The following BRAF variants were observed in gnomAD, a reference collection of about 807,000 sequenced individuals.
BRAF encodes the protein serine/threonine-protein kinase B-raf.
Under a neutral mutation model 104.6 loss-of-function variants are expected in BRAF, and 16 were observed. That is an observed-to-expected ratio of 0.15 (90% confidence interval 0.10 to 0.23). BRAF has a LOEUF of 0.23. Ranked by LOEUF, BRAF falls within the 10% of genes least tolerant of loss-of-function variation. BRAF has a pLI of 1.00. For missense variants in BRAF, 541 were observed against 937.3 expected, an observed-to-expected ratio of 0.58 and a Z score of 5.52; for synonymous variants, 310 against 341.6, an observed-to-expected ratio of 0.91 and a Z score of 1.02.
intron 5 of BRAF, among the ~76,000 whole-genome samples, chr7:140,807,397 G>T (rs1332345682): frequency 1.3e-5 from 2 of 151,772 alleles, no homozygotes; most frequent in African/African-American, 2.4e-5. Context: ...CTATTCTTAC[G>T]AATTATTACA....
At chr7:140,760,512 TGGACA>T in intron 14 of BRAF, among the ~76,000 whole-genome samples, 1 of 152,012 alleles carries the variant, frequency 6.6e-6, no homozygotes, top group East Asian at 1.9e-4. Flanking sequence ...GGAGAGCAAC[TGGACA>T]GTGAATACCA....
At chr7:140,912,546 G>T (rs763813627) in intron 1 of BRAF, among the ~76,000 whole-genome samples, 5 of 151,798 alleles carry the variant, frequency 3.3e-5, no homozygotes, top group African/African-American at 4.8e-5. Context: ...ATCATCATAC[G>T]CTCTTCTTTT....
chr7:140,821,744 C>A, intron 3 of BRAF, among the ~76,000 whole-genome samples: 1 of 151,884 alleles, frequency 6.6e-6, no homozygotes, highest in East Asian at 1.9e-4. Context: ...ATATATACAT[C>A]CAAAAGAAAA....
chr7:140,918,629 A>G (rs1029089506), intron 1 of BRAF, among the ~76,000 whole-genome samples: 1 of 152,198 alleles, frequency 6.6e-6, no homozygotes, highest in East Asian at 1.9e-4. Flanking sequence ...TGTTGCAGCC[A>G]ATTTGGCTGT....
intron 1 of BRAF, among the ~76,000 whole-genome samples, chr7:140,886,161 A>G (rs1259636194): frequency 6.6e-6 from 1 of 152,208 alleles, no homozygotes; most frequent in East Asian, 1.9e-4. Flanking sequence ...CTTCCTTCAC[A>G]GGGTAATGGT....
At chr7:140,921,730 A>G (rs1366427104) in intron 1 of BRAF, among the ~76,000 whole-genome samples, 2 of 151,980 alleles carry the variant, frequency 1.3e-5, no homozygotes, top group Non-Finnish European at 2.9e-5. Flanking sequence ...CTAATTTTTG[A>G]TAATGACTTG....
At chr7:140,812,112 C>G (rs959146720) in intron 3 of BRAF, among the ~76,000 whole-genome samples, 2 of 149,414 alleles carry the variant, frequency 1.3e-5, no homozygotes, top group Non-Finnish European at 3.0e-5. Flanking sequence ...TAATTTTTTA[C>G]TTTTAAGAAG....
At chr7:140,851,044 T>A (rs1425489803) in intron 1 of BRAF, among the ~76,000 whole-genome samples, 1 of 152,084 alleles carries the variant, frequency 6.6e-6, no homozygotes, top group Non-Finnish European at 1.5e-5. Context: ...GGGGAAAAAT[T>A]AAGAGCAGGA....
intron 3 of BRAF, chr7:140,834,211 T>A: frequency 3.7e-6 from 1 of 269,978 alleles, no homozygotes; most frequent in South Asian, 6.8e-5. Flanking sequence ...AGGGGAAACA[T>A]ATCAATCACA....
At chr7:140,750,775 G>C (rs182898909) in intron 16 of BRAF, among the ~76,000 whole-genome samples, 128 of 143,216 alleles carry the variant, frequency 8.9e-4, no homozygotes, top group Non-Finnish European at 1.5e-3. Flanking sequence ...AGATGGAGTA[G>C]AAATCAGATG....
chr7:140,813,074 T>C (rs1804457394), intron 3 of BRAF, among the ~76,000 whole-genome samples: 1 of 152,094 alleles, frequency 6.6e-6, no homozygotes, highest in African/African-American at 2.4e-5. Flanking sequence ...AAAAAAACTT[T>C]TGGATGGCAA....
At chr7:140,765,428 C>G (rs1799209263) in intron 14 of BRAF, among the ~76,000 whole-genome samples, 1 of 152,132 alleles carries the variant, frequency 6.6e-6, no homozygotes, top group African/African-American at 2.4e-5. Flanking sequence ...GCAATGGCAA[C>G]AAAAGCCAAA....
intron 2 of BRAF, among the ~76,000 whole-genome samples, chr7:140,841,555 A>G (rs1807971179): frequency 6.6e-6 from 1 of 152,232 alleles, no homozygotes; most frequent in African/African-American, 2.4e-5. Context: ...ATATTCAGCC[A>G]TAACAAGAAA....
At chr7:140,904,239 T>C (rs988290388) in intron 1 of BRAF, among the ~76,000 whole-genome samples, 2 of 152,224 alleles carry the variant, frequency 1.3e-5, no homozygotes, top group Non-Finnish European at 2.9e-5. Flanking sequence ...ATAGCCATCC[T>C]ATCCTTCAGT....
chr7:140,808,823 A>G, intron 4 of BRAF, 69 bp downstream of exon 4: 1 of 1,306,644 alleles, frequency 7.7e-7, no homozygotes, highest in Non-Finnish European at 1.1e-6. Flanking sequence ...TAAAGATCCT[A>G]AGAAAACTTC....
At chr7:140,896,495 G>A (rs1814914264) in intron 1 of BRAF, among the ~76,000 whole-genome samples, 1 of 152,076 alleles carries the variant, frequency 6.6e-6, no homozygotes, top group South Asian at 2.1e-4. Context: ...TTGGGAGGCT[G>A]AGGCGGGTGG....
Position 140,723,388 on chromosome 7 carries a change from T to C in BRAF, c.*3106A>G. On this transcript the variant is annotated 3_prime_UTR_variant, in exon 20 of 20. Coordinates refer to ENST00000644969, the MANE Select transcript of BRAF (RefSeq NM_001374258.1). Reference sequence around the variant, plus strand: ...CCAACATAAATATAGCATATATCATTTGTATGGGATTTTATCTTCTAAAAT... The same window carrying C: ...CCAACATAAATATAGCATATATCATCTGTATGGGATTTTATCTTCTAAAAT... 1 of 1,054,288 alleles carries C rather than the reference T, an allele frequency of 9.5e-7. No homozygotes were observed. The highest frequency in any genetic ancestry group is 4.6e-5 in the South Asian group (1 of 21,878). The allele number at this position is 1,054,288 out of a possible 1,614,324, so 65.3% of individuals were successfully genotyped here. A position where few individuals can be genotyped will look rare whatever the true frequency, so the allele number is the denominator to read the frequency against.
chr7:140,815,432 A>ATTTTTTTT (rs11445161), intron 3 of BRAF, among the ~76,000 whole-genome samples: 2 of 111,882 alleles, frequency 1.8e-5, no homozygotes, highest in Admixed American at 9.0e-5. Context: ...GGTGTGAGCC[A>ATTTTTTTT]TTTTTTTTTT....
At chr7:140,759,986 T>C (rs923696650) in intron 14 of BRAF, among the ~76,000 whole-genome samples, 1 of 152,174 alleles carries the variant, frequency 6.6e-6, no homozygotes, top group Non-Finnish European at 1.5e-5. Flanking sequence ...AAACAAGGGA[T>C]TAAGAACCTG....
Sources: gnomAD v4.1 joint callset for allele counts (sites outside exome capture counted in the v4.1 genomes callset) on GRCh38, gnomAD v4.1.1 for gene constraint, MANE v1.5 for transcripts, NCBI Gene and HGNC (gene_info 2026-07-23, HGNC 2026-07-21) for gene names.